FGD6: variants seen among roughly 807,000 people sequenced by gnomAD.
FGD6 encodes the protein FYVE, RhoGEF and PH domain containing 6, also known as FYVE, RhoGEF and PH domain-containing protein 6.
A neutral mutation model predicts 149.4 loss-of-function variants in FGD6; 90 were observed. The ratio of observed to expected loss-of-function variants is 0.60; its 90% CI spans 0.51 to 0.72. The LOEUF (loss-of-function observed/expected upper bound fraction) is 0.72. FGD6 is among the 30% of genes least tolerant of loss of function. The probability of loss-of-function intolerance (pLI) is 0.00; values close to 1 mark genes in which losing one functional copy is unlikely to be tolerated. For missense variants in FGD6, 1,437 were observed against 1,684.8 expected (o/e 0.85, Z 2.57); for synonymous variants, 527 against 584.0 (o/e 0.90, Z 1.41).
intron 8 of FGD6, 65 bp from the exon 9 acceptor site, chr12:95,113,766 C>T (rs978395460): frequency 3.1e-5 from 32 of 1,019,054 alleles, no homozygotes; most frequent in Non-Finnish European, 4.4e-5. Context: ...ACATATCTTT[C>T]TTTTTCAATA....
intron 8 of FGD6, among the ~76,000 whole-genome samples, chr12:95,123,292 A>T (rs1041856742): frequency 3.9e-5 from 6 of 152,010 alleles, no homozygotes; most frequent in Non-Finnish European, 7.4e-5. Flanking sequence ...GCTACTTGGG[A>T]GGCTCAGGTT....
At chr12:95,168,195 G>A (rs1169349294) in intron 3 of FGD6, among the ~76,000 whole-genome samples, 7 of 152,106 alleles carry the variant, frequency 4.6e-5, no homozygotes, top group African/African-American at 1.7e-4. Flanking sequence ...CCAGGTCTTA[G>A]GATGCCAAAT....
At chr12:95,152,698 T>G (rs904537742) in intron 5 of FGD6, 113 bp downstream of exon 5, 5 of 922,080 alleles carry the variant, frequency 5.4e-6, no homozygotes, top group Non-Finnish European at 8.3e-6. Flanking sequence ...ATGAAATACA[T>G]ACATTTTAGA....
At chr12:95,206,698 GAAAAAAAAAA>G (rs746280054) in intron 2 of FGD6, among the ~76,000 whole-genome samples, 1 of 114,806 alleles carries the variant, frequency 8.7e-6, no homozygotes, top group African/African-American at 3.1e-5. Context: ...TGTCTCCAAA[GAAAAAAAAAA>G]AAAAAAAGAA....
At chr12:95,093,090 G>T (rs891536587) in intron 15 of FGD6, among the ~76,000 whole-genome samples, 1 of 152,040 alleles carries the variant, frequency 6.6e-6, no homozygotes, top group Non-Finnish European at 1.5e-5. Context: ...GTGTGGTGGC[G>T]GGTGCCTGTG....
chr12:95,156,045 G>A (rs531483694), intron 3 of FGD6, among the ~76,000 whole-genome samples: 32 of 152,126 alleles, frequency 2.1e-4, no homozygotes, highest in South Asian at 8.3e-4. Context: ...CGTCACCTTC[G>A]TAAGCTGAGG....
At chr12:95,168,041 AC>A (rs1297992407) in intron 3 of FGD6, among the ~76,000 whole-genome samples, 9 of 144,592 alleles carry the variant, frequency 6.2e-5, no homozygotes, top group East Asian at 6.1e-4. Flanking sequence ...TTTAAAAAAA[AC>A]ATTTTGACTT....
At chr12:95,129,303 G>GCATCCATCCATCCATCCATCCATC in intron 8 of FGD6, among the ~76,000 whole-genome samples, 1 of 130,820 alleles carries the variant, frequency 7.6e-6, no homozygotes, top group East Asian at 2.1e-4. Flanking sequence ...ATCCATGCAT[G>GCATCCATCCATCCATCCATCCATC]CATGCATGCA....
At chr12:95,107,778 A>C in intron 11 of FGD6, 147 bp from the exon 12 acceptor site, 1 of 758,860 alleles carries the variant, frequency 1.3e-6, no homozygotes, top group Non-Finnish European at 2.2e-6. Flanking sequence ...AGTCATAGTT[A>C]ATTTTAAACC....
intron 12 of FGD6, 94 bp from the exon 13 acceptor site, chr12:95,107,131 C>A: frequency 1.2e-6 from 1 of 868,000 alleles, no homozygotes. Context: ...TAAATAATAC[C>A]TCTTTGCTAA....
At chr12:95,153,617 C>T (rs972532199) in intron 3 of FGD6, among the ~76,000 whole-genome samples, 2 of 152,032 alleles carry the variant, frequency 1.3e-5, no homozygotes, top group South Asian at 2.1e-4. Flanking sequence ...GCCGAGATCG[C>T]GCCATTGCAC....
chr12:95,189,727 A>ATACCACTTGATTTTAT (rs1881537781), intron 2 of FGD6: 7 of 152,056 alleles, frequency 4.6e-5, no homozygotes, highest in Admixed American at 4.6e-4. Context: ...TTAATCAAGT[A>ATACCACTTGATTTTAT]ACCACTGGGT....
At chr12:95,159,458 T>G (rs1336861563) in intron 3 of FGD6, among the ~76,000 whole-genome samples, 2 of 152,144 alleles carry the variant, frequency 1.3e-5, no homozygotes, top group African/African-American at 4.8e-5. Flanking sequence ...AAGACATCAT[T>G]AAGAAGATAA....
At chr12:95,119,780 G>A (rs1879131965) in intron 8 of FGD6, among the ~76,000 whole-genome samples, 1 of 152,076 alleles carries the variant, frequency 6.6e-6, no homozygotes, top group Admixed American at 6.6e-5. Flanking sequence ...ATTAGCTGGG[G>A]GTAGTGGCAC....
intron 2 of FGD6, among the ~76,000 whole-genome samples, chr12:95,203,806 G>A (rs887503481): frequency 6.6e-6 from 1 of 152,022 alleles, no homozygotes; most frequent in Admixed American, 6.5e-5. Context: ...ATGTTTCCAG[G>A]GACAGTTTTC....
chr12:95,153,661 CA>C (rs1880373321), intron 3 of FGD6, among the ~76,000 whole-genome samples: 1 of 152,000 alleles, frequency 6.6e-6, no homozygotes, highest in East Asian at 1.9e-4. Flanking sequence ...AACTCTGTCT[CA>C]AAAACAAAAA....
intron 2 of FGD6, among the ~76,000 whole-genome samples, chr12:95,201,856 A>G (rs1452159135): frequency 6.6e-6 from 1 of 152,138 alleles, no homozygotes; most frequent in African/African-American, 2.4e-5. Context: ...CAGCAATGGA[A>G]AACTAGTTAG....
rs180778147 is a variant in FGD6 at position 95,081,223 on chromosome 12, G to A, written c.*297C>T. The A allele has an allele frequency of 7.4e-4, 158 of 214,718 alleles. No homozygotes were observed. Among genetic ancestry groups the A allele is most frequent in the African/African-American group, 3.4e-3 (152 of 44,062 alleles). The allele number at this position is 214,718 out of a possible 1,614,324, so 13.3% of individuals were successfully genotyped here. A position where few individuals can be genotyped will look rare whatever the true frequency, so the allele number is the denominator to read the frequency against. On this transcript the variant is annotated 3_prime_UTR_variant, in exon 21 of 21. Coordinates refer to ENST00000343958, the MANE Select transcript of FGD6 (RefSeq NM_018351.4). ...AACTATGTCACGAATAGTTAATACA[G>A]TATACAGTATTAAGATAGTTTTTCT...
chr12:95,129,288 C>T (rs5800183), intron 8 of FGD6, among the ~76,000 whole-genome samples: 1 of 105,824 alleles, frequency 9.4e-6, no homozygotes, highest in African/African-American at 3.4e-5. Context: ...TCTATGCATC[C>T]ATGCATCCAT....
Sources: gnomAD v4.1 joint callset for allele counts (sites outside exome capture counted in the v4.1 genomes callset) on GRCh38, gnomAD v4.1.1 for gene constraint, MANE v1.5 for transcripts, NCBI Gene and HGNC (gene_info 2026-07-23, HGNC 2026-07-21) for gene names.